CCDC85A: variants seen among roughly 807,000 people sequenced by gnomAD.
CCDC85A encodes the protein coiled-coil domain-containing protein 85A.
In CCDC85A, 38 loss-of-function variants were observed where a neutral mutation model predicts 50.2. That is an observed-to-expected ratio of 0.76 (90% CI 0.58 to 0.99). The LOEUF (loss-of-function observed/expected upper bound fraction) is 0.99, where lower values mean the gene tolerates loss of function less well. Among genes scored for constraint, CCDC85A ranks in the 50% least tolerant of loss-of-function variants. The pLI is 0.00. For missense variants in CCDC85A, 820 were observed against 742.0 expected (o/e 1.11, Z -1.22); for synonymous variants, 366 against 301.4 (o/e 1.21, Z -2.22).
At chr2:56,335,449 C>T (rs548072956) in intron 2 of CCDC85A, among the ~76,000 whole-genome samples, 19 of 152,146 alleles carry the variant, frequency 1.2e-4, no homozygotes, top group African/African-American at 3.9e-4. Context: ...TAACAGAATA[C>T]CACAGACTGG....
chr2:56,248,389 A>G (rs1030570424), intron 2 of CCDC85A, among the ~76,000 whole-genome samples: 8 of 152,212 alleles, frequency 5.3e-5, no homozygotes, highest in Middle Eastern at 3.4e-3. Context: ...TCCTTGTACC[A>G]GTATGGCCTG....
At chr2:56,296,552 G>A (rs1372564501) in intron 2 of CCDC85A, among the ~76,000 whole-genome samples, 2 of 152,110 alleles carry the variant, frequency 1.3e-5, no homozygotes, top group Non-Finnish European at 2.9e-5. Context: ...TTCTAGAGTA[G>A]GGAAAGGAAT....
Position 56,184,126 on chromosome 2 carries a change from C to T in CCDC85A, c.-499C>T, listed in dbSNP as rs560091771. On this transcript the variant is annotated 5_prime_UTR_variant, in exon 1 of 6. Coordinates refer to ENST00000407595, the MANE Select transcript of CCDC85A (RefSeq NM_001080433.2). ...CGTCGCTAGAGCAGCCGGGGAGGCG[C>T]CGCGGTGCCCGGCGCGCCCTCCAAG... 2.0e-6 allele frequency: 2 copies of T among 975,632 alleles called. No individual in the cohort carries two copies. Among genetic ancestry groups the T allele is most frequent in the South Asian group, 4.7e-5 (1 of 21,152 alleles). The allele number at this position is 975,632 out of a possible 1,614,324, so 60.4% of individuals were successfully genotyped here. A position where few individuals can be genotyped will look rare whatever the true frequency, so the allele number is the denominator to read the frequency against.
At chr2:56,334,526 T>C (rs1242974436) in intron 2 of CCDC85A, among the ~76,000 whole-genome samples, 1 of 152,050 alleles carries the variant, frequency 6.6e-6, no homozygotes, top group Non-Finnish European at 1.5e-5. Flanking sequence ...AAAAGGAAAA[T>C]TGAAAGAGAC....
intron 2 of CCDC85A, among the ~76,000 whole-genome samples, chr2:56,336,087 A>G (rs1477883083): frequency 6.6e-6 from 1 of 152,152 alleles, no homozygotes; most frequent in Non-Finnish European, 1.5e-5. Flanking sequence ...CATAAAAGCT[A>G]ACATCTATAA....
At chr2:56,351,846 C>A (rs1448966103) in intron 3 of CCDC85A, among the ~76,000 whole-genome samples, 1 of 152,014 alleles carries the variant, frequency 6.6e-6, no homozygotes, top group Non-Finnish European at 1.5e-5. Context: ...TGCAGAAGCT[C>A]TTTAGTTTAA....
intron 2 of CCDC85A, among the ~76,000 whole-genome samples, chr2:56,295,695 G>A (rs1046256630): frequency 6.6e-6 from 1 of 152,152 alleles, no homozygotes; most frequent in East Asian, 1.9e-4. Context: ...TAAGAAGGTG[G>A]TATCTGTTTA....
intron 2 of CCDC85A, among the ~76,000 whole-genome samples, chr2:56,263,554 TG>T (rs1670307854): frequency 6.6e-6 from 1 of 152,168 alleles, no homozygotes; most frequent in African/African-American, 2.4e-5. Context: ...TATATTGGGC[TG>T]GTCTTGTGGA....
chr2:56,269,329 G>A (rs929189732), intron 2 of CCDC85A, among the ~76,000 whole-genome samples: 7 of 85,002 alleles, frequency 8.2e-5, no homozygotes, highest in Admixed American at 2.8e-4. Flanking sequence ...ATACTCCTTG[G>A]CAAGGGTGTG....
intron 2 of CCDC85A, among the ~76,000 whole-genome samples, chr2:56,266,578 G>GCCC (rs58439265): frequency 0.01 from 612 of 60,228 alleles, 107 homozygotes; most frequent in Admixed American, 0.023. Context: ...ACAATAACGC[G>GCCC]CCCCCCCCCC....
At chr2:56,266,575 C>T (rs1036432439) in intron 2 of CCDC85A, among the ~76,000 whole-genome samples, 10 of 77,066 alleles carry the variant, frequency 1.3e-4, no homozygotes, top group African/African-American at 4.0e-4. Context: ...TTAACAATAA[C>T]GCGCCCCCCC....
At chr2:56,292,272 A>T (rs1380075526) in intron 2 of CCDC85A, among the ~76,000 whole-genome samples, 1 of 151,964 alleles carries the variant, frequency 6.6e-6, no homozygotes, top group African/African-American at 2.4e-5. Context: ...TTTAGTAGAG[A>T]CGGGGTTTCA....
intron 2 of CCDC85A, among the ~76,000 whole-genome samples, chr2:56,311,029 A>G (rs1175708044): frequency 6.6e-6 from 1 of 152,172 alleles, no homozygotes; most frequent in Non-Finnish European, 1.5e-5. Context: ...CCTAAGTTCA[A>G]CGACAGTGTC....
At chr2:56,201,490 A>G (rs939692178) in intron 2 of CCDC85A, among the ~76,000 whole-genome samples, 1 of 152,126 alleles carries the variant, frequency 6.6e-6, no homozygotes, top group Non-Finnish European at 1.5e-5. Flanking sequence ...AAAAGTGAAA[A>G]GTCTTCTCAT....
intron 2 of CCDC85A, among the ~76,000 whole-genome samples, chr2:56,306,203 C>A (rs1672437604): frequency 6.6e-6 from 1 of 152,070 alleles, no homozygotes; most frequent in Non-Finnish European, 1.5e-5. Flanking sequence ...AATCTCAGCT[C>A]AGTACAACCT....
intron 3 of CCDC85A, among the ~76,000 whole-genome samples, chr2:56,366,698 C>A (rs1220976630): frequency 1.3e-5 from 2 of 152,090 alleles, no homozygotes; most frequent in African/African-American, 4.8e-5. Flanking sequence ...TTTTAATGGA[C>A]AGCACTTAGG....
At chr2:56,203,176 G>C (rs1470438602) in intron 2 of CCDC85A, among the ~76,000 whole-genome samples, 1 of 152,116 alleles carries the variant, frequency 6.6e-6, no homozygotes, top group Non-Finnish European at 1.5e-5. Flanking sequence ...GCTGAATTTA[G>C]CTGCTTATTT....
At chr2:56,285,128 G>C (rs1427412138) in intron 2 of CCDC85A, among the ~76,000 whole-genome samples, 1 of 149,360 alleles carries the variant, frequency 6.7e-6, no homozygotes, top group African/African-American at 2.5e-5. Context: ...TTTACATGGA[G>C]TCTCACTCTG....
rs115151186 is a variant in CCDC85A at position 56,275,024 on chromosome 2, C to T, written c.1241-67855C>T. On this transcript the variant is annotated intron_variant, in intron 2 of 5. Coordinates refer to ENST00000407595, the MANE Select transcript of CCDC85A (RefSeq NM_001080433.2). ...TTTCATCATGAGGGCATCATCCTCA[C>T]GACCTCATCCAAATCTGATTACCTC... Among the ~76,000 whole-genome samples the T allele has an allele frequency of 5.7e-3, 867 of 152,272 alleles. 5 individuals are homozygous for T. Among genetic ancestry groups the T allele is most frequent in the African/African-American group, 0.015 (609 of 41,548 alleles).
Sources: allele counts gnomAD v4.1 joint callset (sites outside exome capture counted in the v4.1 genomes callset), GRCh38; gene constraint gnomAD v4.1.1; transcripts MANE v1.5; gene names NCBI Gene and HGNC (gene_info 2026-07-23, HGNC 2026-07-21).